Variants in AP2B1 observed in about 807,000 individuals in gnomAD.
The protein encoded by AP2B1 is adaptor related protein complex 2 subunit beta 1, also known as AP-2 complex subunit beta.
In AP2B1, 23 loss-of-function variants were observed where a neutral mutation model predicts 102.0. That is an observed-to-expected ratio of 0.23 (90% CI 0.16 to 0.32). The LOEUF is 0.32. Ranked by LOEUF, AP2B1 falls within the 10% of genes least tolerant of loss-of-function variation. The pLI is 1.00. For missense variants in AP2B1, 541 were observed against 1,157.4 expected (o/e 0.47, Z 7.73); for synonymous variants, 381 against 421.2 (o/e 0.90, Z 1.17).
intron 5 of AP2B1, among the ~76,000 whole-genome samples, chr17:35,616,847 A>G (rs185378301): frequency 2.0e-5 from 3 of 152,316 alleles, no homozygotes; most frequent in Admixed American, 1.3e-4. Context: ...CTCAGGCTCT[A>G]GAACCAAATA....
chr17:35,618,359 A>C (rs1318218735), intron 5 of AP2B1, among the ~76,000 whole-genome samples: 1 of 152,202 alleles, frequency 6.6e-6, no homozygotes, highest in Non-Finnish European at 1.5e-5. Flanking sequence ...TTTCCTCATA[A>C]TAGTTTTGGT....
chr17:35,621,456 A>G (rs950151462), intron 5 of AP2B1: 2 of 539,914 alleles, frequency 3.7e-6, no homozygotes, highest in Middle Eastern at 9.2e-4. Context: ...AGGAACTTCA[A>G]GAAATTTTAG....
At position 35,688,739 on chromosome 17, in the gene AP2B1, G is replaced by A. The variant is rs587664371; in HGVS notation, c.2454+5915G>A. Among the ~76,000 whole-genome samples, 81 of 152,252 alleles carry A rather than the reference G, an allele frequency of 5.3e-4. 1 individual carries two copies. The highest frequency in any genetic ancestry group is 8.4e-4 in the Non-Finnish European group (57 of 68,016). On this transcript the variant is annotated intron_variant, in intron 18 of 21. Coordinates refer to ENST00000610402, the MANE Select transcript of AP2B1 (RefSeq NM_001030006.2). The stretch of plus-strand genomic sequence containing the variant: ...AGCACTTTGGGAGGCCAAGGAGGGC[G>A]GATCACTTAAGGCCAGGAGTCCAAG...
chr17:35,712,166 AGT>A (rs1359605105), intron 20 of AP2B1, among the ~76,000 whole-genome samples: 10 of 152,176 alleles, frequency 6.6e-5, no homozygotes, highest in Non-Finnish European at 8.8e-5. Flanking sequence ...AGAAGATGAC[AGT>A]GTCATCTTTC....
At chr17:35,680,700 G>GTTTT (rs1176447688) in intron 17 of AP2B1, among the ~76,000 whole-genome samples, 6 of 128,936 alleles carry the variant, frequency 4.7e-5, no homozygotes, top group Admixed American at 8.0e-5. Context: ...TTTTTTTTTT[G>GTTTT]TTTTTTTTTT....
chr17:35,637,510 A>T (rs2074642241), intron 10 of AP2B1, among the ~76,000 whole-genome samples: 1 of 151,952 alleles, frequency 6.6e-6, no homozygotes, highest in Admixed American at 6.6e-5. Flanking sequence ...GATAGTGTTA[A>T]ATGAAGCAGC....
At chr17:35,639,811 G>A in intron 11 of AP2B1, 51 bp downstream of exon 11, 1 of 1,540,642 alleles carries the variant, frequency 6.5e-7, no homozygotes, top group Non-Finnish European at 8.8e-7. Context: ...TCTTTGGGGA[G>A]ATTTCAGAGA....
chr17:35,649,277 C>T (rs225280), intron 12 of AP2B1, among the ~76,000 whole-genome samples: 128,101 of 150,664 alleles, frequency 0.85, 54,461 homozygotes, highest in East Asian at 0.97. Flanking sequence ...AAAAAAATTT[C>T]TTTTTTTTGG....
chr17:35,659,716 T>C (rs1216674894), intron 14 of AP2B1: 1 of 797,346 alleles, frequency 1.3e-6, no homozygotes, highest in African/African-American at 1.9e-5. Flanking sequence ...CTCTAAATTT[T>C]AACATTTCCT....
At position 35,653,926 on chromosome 17, in the gene AP2B1, T is replaced by A. The variant is rs561834212; in HGVS notation, c.1796+3137T>A. ...TTAACAGAATTGAAACCTGCACATA[T>A]AATTTTTCCTGTCGTCCTTCTAGAG... is the stretch of plus-strand genomic sequence containing the variant. On this transcript the variant is annotated intron_variant, in intron 13 of 21. Coordinates refer to ENST00000610402, the MANE Select transcript of AP2B1 (RefSeq NM_001030006.2). 2.6e-5 allele frequency among the ~76,000 whole-genome samples: 4 copies of A among 152,324 alleles called. No individual in the cohort carries two copies. The South Asian group carries it at 6.2e-4, about 24-fold the overall frequency.
At chr17:35,695,771 G>A (rs1465005710) in intron 18 of AP2B1, among the ~76,000 whole-genome samples, 10 of 152,112 alleles carry the variant, frequency 6.6e-5, no homozygotes, top group Non-Finnish European at 1.3e-4. Flanking sequence ...GAGATAAGCC[G>A]AAAGGCACCA....
At chr17:35,598,433 C>T in intron 3 of AP2B1, 98 bp downstream of exon 3, 1 of 684,728 alleles carries the variant, frequency 1.5e-6, no homozygotes, top group Admixed American at 3.0e-5. Context: ...AATCATAGAA[C>T]CTCTAAGAAT....
chr17:35,652,946 C>T (rs1412843530), intron 13 of AP2B1, among the ~76,000 whole-genome samples: 1 of 152,094 alleles, frequency 6.6e-6, no homozygotes, highest in Non-Finnish European at 1.5e-5. Context: ...AAATCATTTC[C>T]CCTTTTTACT....
intron 4 of AP2B1, among the ~76,000 whole-genome samples, chr17:35,607,195 A>G (rs574706359): frequency 6.6e-6 from 1 of 152,164 alleles, no homozygotes; most frequent in South Asian, 2.1e-4. Context: ...GTGAGCCACC[A>G]TGTCCAGCCT....
intron 5 of AP2B1, 128 bp from the exon 6 acceptor site, chr17:35,624,269 A>C (rs568604594): frequency 8.5e-6 from 7 of 822,378 alleles, no homozygotes; most frequent in Non-Finnish European, 1.2e-5. Flanking sequence ...TTTCTATCTG[A>C]CTAGGTAAAA....
chr17:35,670,848 CT>C lies in AP2B1; in HGVS notation c.1990-8del. 1 of 1,613,902 alleles carries C rather than the reference CT, an allele frequency of 6.2e-7. No homozygotes were observed. The highest frequency in any genetic ancestry group is 1.7e-5 in the Admixed American group (1 of 59,972). Reference sequence around the variant, plus strand: ...CCTCTCTCTCCTCTCTCTCCTTTCTCTCTTTCAGCTTGGCAGTGACCTTGGC... The same window carrying C: ...CCTCTCTCTCCTCTCTCTCCTTTCTCCTTTCAGCTTGGCAGTGACCTTGGC... On this transcript the variant is annotated splice_region_variant and splice_polypyrimidine_tract_variant and intron_variant, in intron 14 of 21. Transcript: ENST00000610402.
chr17:35,720,545 T>TTTTATATATATATATATATATA (rs1402145369), intron 21 of AP2B1, among the ~76,000 whole-genome samples: 2 of 54,376 alleles, frequency 3.7e-5, no homozygotes, highest in African/African-American at 1.7e-4. Context: ...TTTATTTTAT[T>TTTTATATATATATATATATATA]TATATATATA....
chr17:35,659,395 T>C (rs372863285), intron 14 of AP2B1, among the ~76,000 whole-genome samples: 6 of 152,018 alleles, frequency 3.9e-5, no homozygotes, highest in African/African-American at 1.4e-4. Flanking sequence ...ACTATAAACA[T>C]AGAAAAAAAG....
intron 5 of AP2B1, among the ~76,000 whole-genome samples, chr17:35,622,620 T>G (rs1368781666): frequency 6.6e-6 from 1 of 152,222 alleles, no homozygotes. Flanking sequence ...TATATATAAT[T>G]GCTGAAGCTT....
Sources: gnomAD v4.1 joint callset for allele counts (sites outside exome capture counted in the v4.1 genomes callset) on GRCh38, gnomAD v4.1.1 for gene constraint, MANE v1.5 for transcripts, NCBI Gene and HGNC (gene_info 2026-07-23, HGNC 2026-07-21) for gene names.